ARHGEF1: variants seen among roughly 807,000 people sequenced by gnomAD.
The protein encoded by ARHGEF1 is Rho guanine nucleotide exchange factor 1.
In ARHGEF1, 40 loss-of-function variants were observed where a neutral mutation model predicts 119.7. That is an observed-to-expected ratio of 0.33 (90% confidence interval 0.26 to 0.44). The LOEUF is 0.44. ARHGEF1 is among the 20% of genes least tolerant of loss of function. ARHGEF1 has a pLI of 1.00. For synonymous variants in ARHGEF1, 494 were observed against 521.0 expected, an observed-to-expected ratio of 0.95 and a Z score of 0.71; for missense variants, 976 against 1,268.3, an observed-to-expected ratio of 0.77 and a Z score of 3.50.
At chr19:41,908,252 C>CGCCTTTGCCT, downstream of ARHGEF1, 1 of 1,231,712 alleles carries the variant, frequency 8.1e-7, no homozygotes, top group Middle Eastern at 3.1e-4. This position sits in a 1 kb window ranked among gnomAD's most constrained non-coding sequence, Gnocchi z 6.7. Context: ...CCCCTTTGCC[C>CGCCTTTGCCT]GCCTTTGCCT....
intron 18 of ARHGEF1, among the ~76,000 whole-genome samples, chr19:41,914,555 C>T (rs73550621): frequency 0.072 from 7,236 of 100,774 alleles, 811 homozygotes; most frequent in African/African-American, 0.21. Context: ...TTTCCCTCCC[C>T]TTCCACCATC....
chr19:41,923,477 C>T (rs1473318319), intron 1 of ARHGEF1, among the ~76,000 whole-genome samples: 2 of 150,434 alleles, frequency 1.3e-5, no homozygotes, highest in Admixed American at 1.3e-4. Context: ...GACAAAAAGA[C>T]AGGGTGAGAC....
chr19:41,916,860 A>T lies in ARHGEF1; in HGVS notation c.1866-6232A>T, dbSNP rs1285871506. 6.6e-6 allele frequency among the ~76,000 whole-genome samples: 1 copy of T among 152,078 alleles called. No homozygotes were observed. The highest frequency in any genetic ancestry group is 1.5e-5 in the Non-Finnish European group (1 of 68,004). ...ATACGACCGACAGCGGCCCCTGCAG[A>T]GGTACACACAGACACACCCAGACAC... is the stretch of plus-strand genomic sequence containing the variant. On this transcript the variant is annotated intron_variant, in intron 18 of 20. Transcript: ENST00000599589. The surrounding 1 kb of genome is among the most constrained non-coding windows in gnomAD (Gnocchi z 5.4).
intron 1 of ARHGEF1, among the ~76,000 whole-genome samples, chr19:41,885,264 C>T (rs1396491300): frequency 6.6e-6 from 1 of 152,206 alleles, no homozygotes; most frequent in Non-Finnish European, 1.5e-5. Flanking sequence ...TCTCCAACCC[C>T]CAAGCCTCTG....
rs781940242 is a variant in ARHGEF1, at chr19:41,905,792, A to T, written c.2369A>T (p.Asn790Ile). Residue 790 changes from asparagine (N) to isoleucine (I), a missense_variant, in exon 25 of 29, where the codon AAC (asparagine) becomes ATC (isoleucine). Asn to Ile is a moderately radical substitution (Grantham distance 149, BLOSUM62 -3). Around this residue, in one of 3 missense-constraint regions of ARHGEF1, gnomAD observed 171 missense variants for 180.6 expected, o/e 0.95. Transcript: ENST00000354532. This position sits in a 1 kb window ranked among gnomAD's most constrained non-coding sequence, Gnocchi z 6.4. The stretch of plus-strand genomic sequence containing the variant: ...GAACCCCTCCTCAGCAGCTCTGAGA[A>T]CGGCAATGGTGGCCGAGAGACGTCT... ...TREPLLSSSE[N>I]GNGGRETSPA... is the part of the protein sequence containing the mutation. 2.5e-6 allele frequency: 4 copies of T among 1,614,038 alleles called. No homozygotes were observed. In the Admixed American group the frequency reaches 6.7e-5, roughly 27 times the overall value.
chr19:41,898,839 A>C (rs1270120812), intron 14 of ARHGEF1, among the ~76,000 whole-genome samples: 1 of 152,238 alleles, frequency 6.6e-6, no homozygotes, highest in Non-Finnish European at 1.5e-5. Flanking sequence ...GATGTTGAGA[A>C]CACTGCATTT....
chr19:41,895,407 G>A lies in ARHGEF1; in HGVS notation c.936G>A (p.Arg312=), dbSNP rs1555847362. Reference sequence around the variant, plus strand: ...GCGTGGGGATGCCCTCTCGGGACCGGAATATCGGGGCTCCTGGGCAGGACA... The same window carrying A: ...GCGTGGGGATGCCCTCTCGGGACCGAAATATCGGGGCTCCTGGGCAGGACA... ...KGGVGMPSRD[R]NIGAPGQDTP... is the part of the protein sequence containing the mutation. Residue 312 remains arginine (R), a synonymous_variant, in exon 12 of 29, where the codon CGG becomes CGA. Transcript: ENST00000354532. 14 of 1,612,814 alleles carry A rather than the reference G, an allele frequency of 8.7e-6. No homozygotes were observed. Among genetic ancestry groups the A allele is most frequent in the Non-Finnish European group, 1.2e-5 (14 of 1,179,602 alleles).
intron 1 of ARHGEF1, chr19:41,923,241 T>C: frequency 6.6e-6 from 3 of 454,210 alleles, no homozygotes; most frequent in Non-Finnish European, 1.3e-5. Context: ...CAGGTCAGTA[T>C]GACTCTAGGC....
chr19:41,910,168 C>T (rs1474695739), downstream of ARHGEF1: 5 of 1,451,536 alleles, frequency 3.4e-6, no homozygotes, highest in East Asian at 9.6e-5. The surrounding 1 kb of genome is among the most constrained non-coding windows in gnomAD (Gnocchi z 4.4). Flanking sequence ...CTGCTGGACT[C>T]AGTAACCTGG....
Position 41,902,268 on chromosome 19 carries a change from C to T in ARHGEF1, c.1415-6C>T, listed in dbSNP as rs781849583. 1.9e-6 allele frequency: 3 copies of T among 1,614,164 alleles called. No homozygotes were observed. The highest frequency in any genetic ancestry group is 1.7e-6 in the Non-Finnish European group (2 of 1,179,992). On this transcript the variant is annotated splice_region_variant and splice_polypyrimidine_tract_variant and intron_variant, in intron 15 of 28. Coordinates refer to ENST00000354532, the MANE Select transcript of ARHGEF1 (RefSeq NM_004706.4). This position sits in a 1 kb window ranked among gnomAD's most constrained non-coding sequence, Gnocchi z 6.5. ...GTGGAGCATCCCTTTCCTCCTGCCC[C>T]CACAGCCCTGTTCCTCGATCGCCTG...
intron 28 of ARHGEF1, 48 bp from the exon 29 acceptor site, chr19:41,907,057 C>CTTG (rs1555850425): frequency 4.2e-6 from 6 of 1,436,148 alleles, no homozygotes; most frequent in African/African-American, 1.4e-5. Context: ...CTCTCCCTGT[C>CTTG]TCTCTCTCCA....
upstream of ARHGEF1, among the ~76,000 whole-genome samples, chr19:41,921,604 C>T (rs781949576): frequency 2.8e-4 from 43 of 151,862 alleles, no homozygotes; most frequent in Admixed American, 1.6e-3. The surrounding 1 kb of genome is among the most constrained non-coding windows in gnomAD (Gnocchi z 4.4). Flanking sequence ...CTGGAGGTCA[C>T]GGGAGAGCGA....
intron 18 of ARHGEF1, among the ~76,000 whole-genome samples, chr19:41,914,359 C>T (rs535042809): frequency 1.3e-5 from 2 of 151,518 alleles, no homozygotes; most frequent in Admixed American, 1.3e-4. Flanking sequence ...CTCTCTCCTC[C>T]ACCAAGGGGG....
chr19:41,915,247 G>C (rs1037608820), intron 18 of ARHGEF1, among the ~76,000 whole-genome samples: 1 of 148,972 alleles, frequency 6.7e-6, no homozygotes, highest in Non-Finnish European at 1.5e-5. Flanking sequence ...CCGTGGGATC[G>C]GCGCTCCGGG....
At chr19:41,914,597 T>A in intron 18 of ARHGEF1, among the ~76,000 whole-genome samples, 1 of 65,568 alleles carries the variant, frequency 1.5e-5, no homozygotes, top group Non-Finnish European at 2.8e-5. Context: ...CTTTCCACCA[T>A]CTCTGTCTCT....
Position 41,888,666 on chromosome 19 carries a change from C to T in ARHGEF1, c.112-86C>T. 2 of 1,293,036 alleles carry T rather than the reference C, an allele frequency of 1.5e-6. No individual in the cohort carries two copies. The highest frequency in any genetic ancestry group is 2.2e-6 in the Non-Finnish European group (2 of 905,262). 80.1% of individuals were successfully genotyped at this position (1,293,036 alleles called of 1,614,324 possible). A position where few individuals can be genotyped will look rare whatever the true frequency, so the allele number is the denominator to read the frequency against. On this transcript the variant is annotated intron_variant, in intron 3 of 28. Transcript: ENST00000354532. This position sits in a 1 kb window ranked among gnomAD's most constrained non-coding sequence, Gnocchi z 5.1. ...CCAGGAGCTAACCCTGGCTTGGATC[C>T]CTTGTGAAGTGCCAGGAATGGGTAG...
intron 18 of ARHGEF1, among the ~76,000 whole-genome samples, chr19:41,913,221 T>TCCCCGCCA (rs1555851414): frequency 6.9e-6 from 1 of 145,966 alleles, no homozygotes; most frequent in African/African-American, 2.6e-5. Context: ...CCCTCCCCGC[T>TCCCCGCCA]CCCCGCCACT....
Position 41,903,026 on chromosome 19 carries a change from T to G in ARHGEF1, c.1738+128T>G. The G allele has an allele frequency of 5.0e-6, 4 of 804,342 alleles. No individual in the cohort carries two copies. Among genetic ancestry groups the G allele is most frequent in the South Asian group, 1.9e-5 (1 of 53,082 alleles). The allele number at this position is 804,342 out of a possible 1,614,324, so 49.8% of individuals were successfully genotyped here. Reference sequence around the variant, plus strand: ...CTCAACCTCCCAGGATCTACCATCCTCCCACCTCAGCTCCCCAAGTAGCTG... The same window carrying G: ...CTCAACCTCCCAGGATCTACCATCCGCCCACCTCAGCTCCCCAAGTAGCTG... On this transcript the variant is annotated intron_variant, in intron 18 of 28. Coordinates refer to ENST00000354532, the MANE Select transcript of ARHGEF1 (RefSeq NM_004706.4). The surrounding 1 kb of genome is among the most constrained non-coding windows in gnomAD (Gnocchi z 4.2).
chr19:41,920,147 CACGCCCAGACATGAT>C, upstream of ARHGEF1, among the ~76,000 whole-genome samples: 1 of 126,590 alleles, frequency 7.9e-6, no homozygotes, highest in African/African-American at 3.3e-5. Context: ...ACAGACATGA[CACGCCCAGACATGAT>C]GCACTCAGAC....
Sources: allele counts gnomAD v4.1 joint callset (sites outside exome capture counted in the v4.1 genomes callset), GRCh38; gene constraint gnomAD v4.1.1; regional missense constraint gnomAD v4.1.1; non-coding constraint Gnocchi (gnomAD v3.1); transcripts MANE v1.5; gene names NCBI Gene and HGNC (gene_info 2026-07-23, HGNC 2026-07-21).